The following CADPS variants were observed in gnomAD, a reference collection of about 807,000 sequenced individuals.
CADPS encodes the protein calcium dependent secretion activator.
CADPS carries 57 observed loss-of-function variants against 167.3 expected under a neutral mutation model. The observed-to-expected ratio is 0.34, with a 90% CI of 0.28 to 0.42. CADPS has a LOEUF of 0.42. Ranked by LOEUF, CADPS falls within the 20% of genes least tolerant of loss-of-function variation. The pLI is 1.00. For synonymous variants in CADPS, 676 were observed against 635.3 expected (o/e 1.06, Z -0.96); for missense variants, 1,414 against 1,738.1 (o/e 0.81, Z 3.32).
chr3:62,503,042 TCACCAGCAACCCCCACC>T (rs950533055), intron 17 of CADPS, among the ~76,000 whole-genome samples: 2 of 151,570 alleles, frequency 1.3e-5, no homozygotes, highest in African/African-American at 4.9e-5. Context: ...CTTACCAGTG[TCACCAGCAACCCCCACC>T]CACCACCACC....
intron 7 of CADPS, among the ~76,000 whole-genome samples, chr3:62,588,960 C>T (rs1230437670): frequency 3.9e-5 from 6 of 151,978 alleles, no homozygotes; most frequent in Non-Finnish European, 8.8e-5. Flanking sequence ...GGAAGGATAC[C>T]ATAAATTGAA....
intron 5 of CADPS, among the ~76,000 whole-genome samples, chr3:62,649,543 CTTTTTTTTTTTTT>C (rs369874258): frequency 4.2e-4 from 16 of 37,802 alleles, no homozygotes; most frequent in South Asian, 4.7e-3. Flanking sequence ...AATATGTGGT[CTTTTTTTTTTTTT>C]TTTTTTTTTT....
At chr3:62,819,086 A>G (rs1162351434) in intron 1 of CADPS, among the ~76,000 whole-genome samples, 3 of 152,126 alleles carry the variant, frequency 2.0e-5, no homozygotes, top group Non-Finnish European at 4.4e-5. Flanking sequence ...AGTGATGAAA[A>G]TGGTCAATAT....
chr3:62,433,949 T>C lies in CADPS; in HGVS notation c.3777+4155A>G, dbSNP rs1445292113. Among the ~76,000 whole-genome samples, 1 of 152,214 alleles carries C rather than the reference T, an allele frequency of 6.6e-6. No homozygotes were observed. The highest frequency in any genetic ancestry group is 1.9e-4 in the East Asian group (1 of 5,202). The stretch of plus-strand genomic sequence containing the variant: ...GATACTCCAACTTTAAATCACTGTC[T>C]TCAAGTTATTTCTTGAGCTTGTGCT... On this transcript the variant is annotated intron_variant, in intron 28 of 29. Transcript: ENST00000383710. The surrounding 1 kb of genome is among the most constrained non-coding windows in gnomAD (Gnocchi z 4.7).
intron 26 of CADPS, among the ~76,000 whole-genome samples, chr3:62,449,289 G>C (rs529359395): frequency 6.6e-6 from 1 of 152,164 alleles, no homozygotes; most frequent in Admixed American, 6.5e-5. Flanking sequence ...TCTTTTCTTT[G>C]GATTTGTTTC....
intron 13 of CADPS, among the ~76,000 whole-genome samples, chr3:62,525,155 G>A (rs1433394505): frequency 6.6e-6 from 1 of 152,076 alleles, no homozygotes; most frequent in Non-Finnish European, 1.5e-5. Flanking sequence ...CTATGGGCCA[G>A]AAAGATTGCA....
chr3:62,797,971 A>T (rs531797691), intron 1 of CADPS, among the ~76,000 whole-genome samples: 1 of 152,348 alleles, frequency 6.6e-6, no homozygotes, highest in East Asian at 1.9e-4. Context: ...TCATTCATTC[A>T]TTCGTTCAAC....
At chr3:62,501,350 A>G (rs2065736551) in intron 17 of CADPS, among the ~76,000 whole-genome samples, 1 of 152,232 alleles carries the variant, frequency 6.6e-6, no homozygotes, top group Admixed American at 6.5e-5. Flanking sequence ...GCATTTCTAC[A>G]AACATACTGT....
chr3:62,442,499 G>A (rs997895508), intron 27 of CADPS, among the ~76,000 whole-genome samples: 1 of 152,120 alleles, frequency 6.6e-6, no homozygotes, highest in African/African-American at 2.4e-5. Context: ...TATTATAGGC[G>A]TGAGCTGCTT....
At chr3:62,803,242 T>A (rs374186279) in intron 1 of CADPS, among the ~76,000 whole-genome samples, 2 of 151,922 alleles carry the variant, frequency 1.3e-5, no homozygotes, top group Non-Finnish European at 2.9e-5. Context: ...CTGAGACGAA[T>A]GATCCTTGAA....
intron 1 of CADPS, among the ~76,000 whole-genome samples, chr3:62,798,084 A>G (rs2093551456): frequency 6.6e-6 from 1 of 152,210 alleles, no homozygotes; most frequent in Non-Finnish European, 1.5e-5. Context: ...AGTAAGCATT[A>G]AATAAACATT....
intron 17 of CADPS, among the ~76,000 whole-genome samples, chr3:62,507,480 G>A (rs1252429653): frequency 6.6e-6 from 1 of 151,206 alleles, no homozygotes; most frequent in Non-Finnish European, 1.5e-5. Context: ...ACACTCCCCT[G>A]GTGTCTGGCA....
At chr3:62,535,791 C>A (rs1162017301) in intron 12 of CADPS, among the ~76,000 whole-genome samples, 5 of 151,722 alleles carry the variant, frequency 3.3e-5, no homozygotes, top group African/African-American at 1.2e-4. Flanking sequence ...AATAGCACTC[C>A]CTTGAATTTA....
chr3:62,669,865 A>G (rs577016815), intron 3 of CADPS, among the ~76,000 whole-genome samples: 1 of 152,324 alleles, frequency 6.6e-6, no homozygotes, highest in South Asian at 2.1e-4. Context: ...CATAGCCTGC[A>G]TATATTCTCC....
At chr3:62,823,590 C>T (rs1213942775) in intron 1 of CADPS, among the ~76,000 whole-genome samples, 1 of 152,142 alleles carries the variant, frequency 6.6e-6, no homozygotes, top group Non-Finnish European at 1.5e-5. Context: ...CAATGCGTAT[C>T]TCCAGGATTA....
At chr3:62,624,784 T>G (rs2149540861) in intron 6 of CADPS, among the ~76,000 whole-genome samples, 1 of 152,170 alleles carries the variant, frequency 6.6e-6, no homozygotes, top group South Asian at 2.1e-4. Flanking sequence ...TGTTCTGAGG[T>G]GGGGTGTGTA....
intron 6 of CADPS, among the ~76,000 whole-genome samples, chr3:62,636,854 G>T (rs1417327393): frequency 6.6e-6 from 1 of 152,026 alleles, no homozygotes; most frequent in Admixed American, 6.6e-5. Flanking sequence ...TCAAATCGAA[G>T]GCAGTCCACC....
At chr3:62,708,251 G>GAAAA (rs113632075) in intron 3 of CADPS, among the ~76,000 whole-genome samples, 1 of 150,196 alleles carries the variant, frequency 6.7e-6, no homozygotes, top group Non-Finnish European at 1.5e-5. Context: ...AAAGTGGAGA[G>GAAAA]AAAAAAAAGC....
intron 8 of CADPS, among the ~76,000 whole-genome samples, chr3:62,571,303 A>C (rs1270335043): frequency 1.3e-5 from 2 of 152,166 alleles, no homozygotes; most frequent in Non-Finnish European, 2.9e-5. Context: ...ACTCTTTTGC[A>C]TCTTGTCAAG....
Sources: allele counts gnomAD v4.1 joint callset (sites outside exome capture counted in the v4.1 genomes callset), GRCh38; gene constraint gnomAD v4.1.1; non-coding constraint Gnocchi (gnomAD v3.1); transcripts MANE v1.5; gene names NCBI Gene and HGNC (gene_info 2026-07-23, HGNC 2026-07-21).